HIVEP1: variants seen among roughly 807,000 people sequenced by gnomAD.
HIVEP1 encodes HIVEP zinc finger 1, also known as zinc finger protein 40.
In HIVEP1, 36 loss-of-function variants were observed where a neutral mutation model predicts 180.0. That is an observed-to-expected ratio of 0.20 (90% CI 0.15 to 0.26). The LOEUF is 0.26. Among genes scored for constraint, HIVEP1 ranks in the 10% least tolerant of loss-of-function variants. The probability of loss-of-function intolerance (pLI) is 1.00; values close to 1 mark genes in which losing one functional copy is unlikely to be tolerated. For missense variants in HIVEP1, 3,143 were observed against 3,268.7 expected, an observed-to-expected ratio of 0.96 and a Z score of 0.94; for synonymous variants, 1,239 against 1,239.0, an observed-to-expected ratio of 1.00 and a Z score of 0.00.
chr6:12,191,368 T>C, the HIVEP1 span, among the ~76,000 whole-genome samples: 2 of 152,210 alleles, frequency 1.3e-5, no homozygotes, highest in African/African-American at 2.4e-5. Flanking sequence ...GGTGGGAGGA[T>C]GGCTTGAGCC....
chr6:12,136,998 A>C (rs1758742048), intron 7 of HIVEP1, among the ~76,000 whole-genome samples: 1 of 152,226 alleles, frequency 6.6e-6, no homozygotes. Context: ...AAATTTCCAA[A>C]GAGAAAGTGA....
chr6:12,203,465 T>C, the HIVEP1 span, among the ~76,000 whole-genome samples: 1 of 152,228 alleles, frequency 6.6e-6, no homozygotes, highest in Non-Finnish European at 1.5e-5. Context: ...TTTGGAATTG[T>C]CAAGCCAAAA....
In HIVEP1 at chr6:12,130,927, T is replaced by C; in HGVS notation, c.6370T>C (p.Ser2124Pro). ...RPYHCTYCNF[S>P]FKTKGNLTKH... ...CTACCACTGCACTTACTGTAACTTC[T>C]CCTTTAAGACTAAAGGTATGAGATG... The change falls in exon 6 of 9, where the codon TCC becomes CCC. Residue 2124 changes from serine (S) to proline (P), a missense_variant. Around this residue, in one of 12 missense-constraint regions of HIVEP1, gnomAD observed 126 missense variants for 168.5 expected, o/e 0.75. Coordinates refer to ENST00000379388, the MANE Select transcript of HIVEP1 (RefSeq NM_002114.4). 1 of 1,608,790 alleles carries C rather than the reference T, an allele frequency of 6.2e-7. No homozygotes were observed.
Position 12,130,840 on chromosome 6 carries a change from A to G in HIVEP1, c.6283A>G (p.Ile2095Val). ...AAAATACATTTGTGAAGAATGTGGA[A>G]TACGTTGTAAGAAACCTAGCATGTT... Reference protein sequence around the residue: ...RGKYICEECGIRCKKPSMLKK... With the variant: ...RGKYICEECGVRCKKPSMLKK... Residue 2095 changes from isoleucine to valine, a missense_variant, in exon 6 of 9, where the codon ATA becomes GTA. Physicochemically the swap from Ile to Val is conservative, Grantham distance 29. Transcript: ENST00000379388. The G allele has an allele frequency of 1.2e-6, 2 of 1,612,138 alleles. No individual in the cohort carries two copies. The highest frequency in any genetic ancestry group is 2.2e-5 in the East Asian group (1 of 44,860).
chr6:12,049,026 C>T (rs1770317992), intron 2 of HIVEP1, among the ~76,000 whole-genome samples: 1 of 152,148 alleles, frequency 6.6e-6, no homozygotes, highest in African/African-American at 2.4e-5. Context: ...CTAGCCAACT[C>T]TGGCTTACCC....
chr6:12,088,046 G>A (rs1402990975), intron 2 of HIVEP1, among the ~76,000 whole-genome samples: 6 of 152,176 alleles, frequency 3.9e-5, no homozygotes, highest in Non-Finnish European at 8.8e-5. Context: ...ATTGAAAGAC[G>A]TTTGATCTGT....
At chr6:12,185,559 T>G in the HIVEP1 span, among the ~76,000 whole-genome samples, 6 of 152,148 alleles carry the variant, frequency 3.9e-5, no homozygotes, top group African/African-American at 1.4e-4. Context: ...CATTCTGTTT[T>G]GAAATCACAG....
chr6:12,178,922 C>T, the HIVEP1 span, among the ~76,000 whole-genome samples: 445 of 152,062 alleles, frequency 2.9e-3, 2 homozygotes, highest in African/African-American at 9.9e-3. Flanking sequence ...AAAAAGAAAG[C>T]GTTAGATAGA....
At chr6:12,067,136 T>C (rs1468658389) in intron 2 of HIVEP1, among the ~76,000 whole-genome samples, 1 of 152,128 alleles carries the variant, frequency 6.6e-6, no homozygotes, top group Non-Finnish European at 1.5e-5. Context: ...AGAGTTAGTG[T>C]TAGGGATAGG....
At chr6:12,160,095 T>A (rs1352154815) in intron 7 of HIVEP1, among the ~76,000 whole-genome samples, 3 of 152,238 alleles carry the variant, frequency 2.0e-5, no homozygotes, top group Non-Finnish European at 2.9e-5. Context: ...AACTGTACAT[T>A]GTCTAATGTC....
At chr6:12,041,142 G>A (rs941344895) in intron 2 of HIVEP1, among the ~76,000 whole-genome samples, 3 of 152,064 alleles carry the variant, frequency 2.0e-5, no homozygotes, top group Non-Finnish European at 4.4e-5. Flanking sequence ...ATAGCCAGCC[G>A]GGCGCAGTGT....
chr6:12,019,028 C>T (rs1224256471), intron 2 of HIVEP1, among the ~76,000 whole-genome samples: 1 of 152,084 alleles, frequency 6.6e-6, no homozygotes, highest in Non-Finnish European at 1.5e-5. Context: ...TGTCTGTGAG[C>T]GTTTAGGAAG....
rs1178049518 is a variant in HIVEP1 at position 12,164,402 on chromosome 6, G to C, written c.8098G>C (p.Val2700Leu). The change falls in exon 9 of 9, where the codon GTG (valine) becomes CTG (leucine). Residue 2700 changes from valine to leucine, a missense_variant. Physicochemically the swap from Val to Leu is conservative, Grantham distance 32 (BLOSUM62 1). Around this residue, in one of 12 missense-constraint regions of HIVEP1, gnomAD observed 595 missense variants for 602.2 expected, o/e 0.99. Coordinates refer to ENST00000379388, the MANE Select transcript of HIVEP1 (RefSeq NM_002114.4). ...AGCACTACCGCGGAGGCAGCCCACTGTGCACTTCAGCGACGTGAGCAGCGA... is the reference window on the plus strand; with the variant it reads ...AGCACTACCGCGGAGGCAGCCCACTCTGCACTTCAGCGACGTGAGCAGCGA... ...PTALPRRQPT[V>L]HFSDVSSDDD... 2 of 1,614,016 alleles carry C rather than the reference G, an allele frequency of 1.2e-6. No individual in the cohort carries two copies. The highest frequency in any genetic ancestry group is 2.7e-5 in the African/African-American group (2 of 74,934).
chr6:12,050,415 C>G (rs1770423130), intron 2 of HIVEP1, among the ~76,000 whole-genome samples: 1 of 152,054 alleles, frequency 6.6e-6, no homozygotes, highest in South Asian at 2.1e-4. Context: ...GAAACCCTGT[C>G]TCTACTAAAA....
rs192045920 is a variant in HIVEP1 at position 12,120,593 on chromosome 6, G to A, written c.798G>A (p.Met266Ile). The A allele has an allele frequency of 6.8e-6, 11 of 1,614,164 alleles. No homozygotes were observed. Among genetic ancestry groups the A allele is most frequent in the Admixed American group, 1.7e-5 (1 of 60,020 alleles). ...QSSCTSYTVH[M>I]SAAQKNEQGA... ...CTTGTACCTCATACACAGTCCATAT[G>A]TCTGCTGCTCAGAAGAATGAGCAAG... is the stretch of plus-strand genomic sequence containing the variant. Residue 266 changes from methionine (M) to isoleucine (I), a missense_variant, in exon 4 of 9, where the codon ATG becomes ATA. Coordinates refer to ENST00000379388, the MANE Select transcript of HIVEP1 (RefSeq NM_002114.4).
chr6:12,066,299 C>A (rs891606116), intron 2 of HIVEP1, among the ~76,000 whole-genome samples: 3 of 152,112 alleles, frequency 2.0e-5, no homozygotes, highest in Non-Finnish European at 4.4e-5. Context: ...TGTTAAGTAT[C>A]CAAATAATTG....
the HIVEP1 span, among the ~76,000 whole-genome samples, chr6:12,178,444 G>T: frequency 0.016 from 2,454 of 152,248 alleles, 71 homozygotes; most frequent in African/African-American, 0.056. Context: ...TTGTTTAAAT[G>T]TAAAAATATG....
At chr6:12,168,326 AT>A (rs369351820), downstream of HIVEP1, among the ~76,000 whole-genome samples, 80 of 132,692 alleles carry the variant, frequency 6.0e-4, no homozygotes, top group Non-Finnish European at 1.0e-3. Flanking sequence ...ATACATATAT[AT>A]TATATAATTA....
At chr6:12,130,472 A>AGG (rs1758356762) in intron 5 of HIVEP1, among the ~76,000 whole-genome samples, 1 of 152,280 alleles carries the variant, frequency 6.6e-6, no homozygotes, top group Admixed American at 6.5e-5. Flanking sequence ...CGGGAGGTTG[A>AGG]GGCTTCATTG....
Sources: allele counts gnomAD v4.1 joint callset (sites outside exome capture counted in the v4.1 genomes callset), GRCh38; gene constraint gnomAD v4.1.1; regional missense constraint gnomAD v4.1.1; transcripts MANE v1.5; gene names NCBI Gene and HGNC (gene_info 2026-07-23, HGNC 2026-07-21).